Variants in PCF11 observed in about 807,000 individuals in gnomAD.
The protein encoded by PCF11 is pre-mRNA cleavage complex 2 protein Pcf11.
In PCF11, 19 loss-of-function variants were observed where a neutral mutation model predicts 166.1. The ratio of observed to expected loss-of-function variants is 0.11; its 90% confidence interval spans 0.08 to 0.17. The LOEUF (loss-of-function observed/expected upper bound fraction) is 0.17, where lower values mean the gene tolerates loss of function less well. Ranked by LOEUF, PCF11 falls within the 10% of genes least tolerant of loss-of-function variation. The pLI is 1.00. For synonymous variants in PCF11, 663 were observed against 644.1 expected (o/e 1.03, Z -0.44); for missense variants, 1,565 against 1,855.5 (o/e 0.84, Z 2.88).
intron 15 of PCF11, among the ~76,000 whole-genome samples, chr11:83,183,895 A>T (rs1453192755): frequency 1.3e-5 from 2 of 152,034 alleles, no homozygotes. Context: ...TCATGCCTGT[A>T]ATCCCAGCAC....
intron 5 of PCF11, 97 bp downstream of exon 5, chr11:83,166,811 G>T: frequency 1.9e-6 from 2 of 1,043,666 alleles, no homozygotes; most frequent in Non-Finnish European, 2.8e-6. Context: ...GGTGCTATTA[G>T]TACTTTTTTT....
Position 83,167,055 on chromosome 11 carries a change from T to G in PCF11, c.1818-70T>G. On this transcript the variant is annotated intron_variant, in intron 5 of 15. Transcript: ENST00000298281. This position sits in a 1 kb window ranked among gnomAD's most constrained non-coding sequence, Gnocchi z 4.2. Reference sequence around the variant, plus strand: ...TTTTAACCATATCCTTTGAAAAGAATCTTTAAATATGGTCCTGAGTATTTT... The same window carrying G: ...TTTTAACCATATCCTTTGAAAAGAAGCTTTAAATATGGTCCTGAGTATTTT... 8.1e-7 allele frequency: 1 copy of G among 1,231,792 alleles called. No homozygotes were observed. The highest frequency in any genetic ancestry group is 1.1e-6 in the Non-Finnish European group (1 of 871,526). 76.3% of individuals were successfully genotyped at this position (1,231,792 alleles called of 1,614,324 possible).
intron 9 of PCF11, among the ~76,000 whole-genome samples, chr11:83,174,495 A>C (rs1352586419): frequency 6.6e-6 from 1 of 151,634 alleles, no homozygotes; most frequent in Non-Finnish European, 1.5e-5. Flanking sequence ...TTGGGTTTAT[A>C]GGCATGAGCC....
chr11:83,181,254 A>G (rs1861074009), intron 12 of PCF11, 63 bp downstream of exon 12: 1 of 547,152 alleles, frequency 1.8e-6, no homozygotes, highest in Non-Finnish European at 2.8e-6. Flanking sequence ...CTAAAAGTAT[A>G]TTAATTTTAA....
chr11:83,181,268 T>C, intron 12 of PCF11, 77 bp downstream of exon 12: 1 of 457,000 alleles, frequency 2.2e-6, no homozygotes, highest in Non-Finnish European at 3.4e-6. Context: ...ATTTTAATAA[T>C]TATTAAAATT....
At position 83,179,614 on chromosome 11, in the gene PCF11, G is replaced by A. The variant is rs185865758; in HGVS notation, c.3984-1394G>A. Among the ~76,000 whole-genome samples the A allele has an allele frequency of 5.9e-5, 9 of 152,158 alleles. No individual in the cohort carries two copies. In the East Asian group the frequency reaches 1.4e-3, roughly 23 times the overall value. ...GACATAATCTCTTAACTTTCTGAAA[G>A]TGATTTAGGCTGGGCGCAGTGGCTC... On this transcript the variant is annotated intron_variant, in intron 11 of 15. Coordinates refer to ENST00000298281, the Ensembl canonical transcript of PCF11.
intron 1 of PCF11, chr11:83,158,944 C>T (rs1483212489): frequency 2.0e-5 from 3 of 152,112 alleles, no homozygotes; most frequent in Non-Finnish European, 4.4e-5. Flanking sequence ...TTTTTATCTA[C>T]GTGGTTGTGT....
chr11:83,161,602 T>C, intron 2 of PCF11, 150 bp downstream of exon 2: 1 of 562,508 alleles, frequency 1.8e-6, no homozygotes, highest in Non-Finnish European at 3.0e-6. Context: ...AGAAAGAGGC[T>C]GAAGTTAATG....
rs374670078 is a variant in PCF11, at chr11:83,166,438, C to T, written c.1541C>T (p.Ser514Leu). ...AGGCAAAGAAGTATGTCTCCAACATCGACACCTAAAGCTGGAAAGATTCGC... is the reference window on the plus strand; with the variant it reads ...AGGCAAAGAAGTATGTCTCCAACATTGACACCTAAAGCTGGAAAGATTCGC... The change falls in exon 5 of 16, where the codon TCG becomes TTG. Residue 514 changes from serine (S) to leucine (L), a missense_variant. This residue lies in a region of PCF11 where 468 missense variants were observed against 483.4 expected (regional missense o/e 0.97). Coordinates refer to ENST00000298281, the Ensembl canonical transcript of PCF11. The T allele has an allele frequency of 1.9e-5, 31 of 1,613,808 alleles. No individual in the cohort carries two copies. The Admixed American group carries it at 2.2e-4, about 11-fold the overall frequency.
chr11:83,180,087 ATTTTTTTTTT>A (rs1175096699), intron 11 of PCF11: 1 of 124,170 alleles, frequency 8.1e-6, no homozygotes, highest in African/African-American at 3.1e-5. Context: ...GCTTTATTCT[ATTTTTTTTTT>A]TTTTTTTTTG....
At chr11:83,164,172 T>G in intron 3 of PCF11, 35 bp from the exon 4 acceptor site, 1 of 1,498,598 alleles carries the variant, frequency 6.7e-7, no homozygotes, top group Non-Finnish European at 9.1e-7. Flanking sequence ...TTTTAGCTGA[T>G]ACGTTTTTCT....
exon 8 of PCF11, chr11:83,168,880 G>C: frequency 1.2e-6 from 2 of 1,613,812 alleles, no homozygotes; most frequent in South Asian, 2.2e-5. Context: ...TTTTCGGTTT[G>C]AAGGTTCCCC....
At chr11:83,163,078 AT>A (rs1860318291) in intron 2 of PCF11, among the ~76,000 whole-genome samples, 1 of 152,110 alleles carries the variant, frequency 6.6e-6, no homozygotes, top group South Asian at 2.1e-4. Flanking sequence ...GCAATGGCAA[AT>A]TTTCTAAACA....
chr11:83,183,922 C>T (rs1164600032), intron 15 of PCF11, among the ~76,000 whole-genome samples: 2 of 151,486 alleles, frequency 1.3e-5, no homozygotes, highest in East Asian at 2.0e-4. Flanking sequence ...GAGGCCGAGG[C>T]GAGTGGATCA....
At chr11:83,157,679 T>A (rs769162231) in intron 1 of PCF11, 48 bp downstream of exon 1, 2 of 1,529,404 alleles carry the variant, frequency 1.3e-6, no homozygotes, top group South Asian at 1.1e-5. Flanking sequence ...ACTCCCTGAT[T>A]TTAGTGTCAG....
At chr11:83,176,484 C>T (rs986980299) in intron 9 of PCF11, among the ~76,000 whole-genome samples, 2 of 152,150 alleles carry the variant, frequency 1.3e-5, no homozygotes, top group East Asian at 1.9e-4. Flanking sequence ...GGCACATATA[C>T]ACCATGGAGT....
chr11:83,183,188 T>G (rs1861142385), intron 15 of PCF11, 115 bp downstream of exon 15: 2 of 592,490 alleles, frequency 3.4e-6, no homozygotes, highest in East Asian at 6.4e-5. Flanking sequence ...TATTGAACTG[T>G]TTTTGTTTTT....
In PCF11 at chr11:83,167,858, T is replaced by C. The variant is rs1184311366; in HGVS notation, c.2092+353T>C. On this transcript the variant is annotated intron_variant, in intron 7 of 15. Transcript: ENST00000298281. This position sits in a 1 kb window ranked among gnomAD's most constrained non-coding sequence, Gnocchi z 4.2. ...CTTATGCTGAGAATCTTTCACCCCA[T>C]GAGGGCCGGAGAAGACATGACGAGC... 1.5e-6 allele frequency: 2 copies of C among 1,312,212 alleles called. No individual in the cohort carries two copies. Among genetic ancestry groups the C allele is most frequent in the South Asian group, 1.2e-5 (1 of 81,210 alleles). The allele number at this position is 1,312,212 out of a possible 1,614,324, so 81.3% of individuals were successfully genotyped here.
chr11:83,158,407 G>A (rs981375011), intron 1 of PCF11: 7 of 152,186 alleles, frequency 4.6e-5, no homozygotes, highest in Admixed American at 2.6e-4. Context: ...AGTACTTGCA[G>A]TTTCTCTGAA....
Sources: gnomAD v4.1 joint callset for allele counts (sites outside exome capture counted in the v4.1 genomes callset) on GRCh38, gnomAD v4.1.1 for gene constraint, gnomAD v4.1.1 regional missense constraint, Gnocchi (gnomAD v3.1) non-coding constraint, MANE v1.5 for transcripts, NCBI Gene and HGNC (gene_info 2026-07-23, HGNC 2026-07-21) for gene names.